Variants in NR3C2 observed in about 807,000 individuals in gnomAD.
The protein encoded by NR3C2 is nuclear receptor subfamily 3 group C member 2, also known as mineralocorticoid receptor.
NR3C2 carries 15 observed loss-of-function variants against 86.4 expected under a neutral mutation model. The ratio of observed to expected loss-of-function variants is 0.17; its 90% CI spans 0.12 to 0.27. The LOEUF (loss-of-function observed/expected upper bound fraction) is 0.27, where lower values mean the gene tolerates loss of function less well. NR3C2 is among the 10% of genes least tolerant of loss of function. The pLI is 1.00. For synonymous variants in NR3C2, 458 were observed against 450.5 expected (o/e 1.02, Z -0.21); for missense variants, 960 against 1,195.6 (o/e 0.80, Z 2.91).
At chr4:148,150,569 T>C (rs1734059130) in intron 6 of NR3C2, among the ~76,000 whole-genome samples, 1 of 152,152 alleles carries the variant, frequency 6.6e-6, no homozygotes. Flanking sequence ...TGGCAATAAA[T>C]AGACTGTGAA....
chr4:148,181,957 G>C (rs546759025), intron 4 of NR3C2, among the ~76,000 whole-genome samples: 8 of 152,308 alleles, frequency 5.3e-5, no homozygotes, highest in Non-Finnish European at 1.0e-4. Context: ...CATTGTAAAG[G>C]AGAGGCCAGT....
At chr4:148,094,726 A>AC (rs1553984266) in intron 8 of NR3C2, among the ~76,000 whole-genome samples, 4,248 of 150,556 alleles carry the variant, frequency 0.028, 207 homozygotes, top group African/African-American at 0.098. Context: ...AAAAAAAAAA[A>AC]CAAAAAAAAC....
intron 2 of NR3C2, among the ~76,000 whole-genome samples, chr4:148,399,226 T>C (rs1326037420): frequency 5.9e-5 from 9 of 152,198 alleles, no homozygotes; most frequent in African/African-American, 2.2e-4. Flanking sequence ...AGAGATTGCA[T>C]TCTGCTTCCA....
At chr4:148,275,396 C>T (rs1740908861) in intron 2 of NR3C2, among the ~76,000 whole-genome samples, 2 of 150,640 alleles carry the variant, frequency 1.3e-5, no homozygotes, top group African/African-American at 2.4e-5. Flanking sequence ...ATGAGGAATT[C>T]AATTTACTAT....
intron 6 of NR3C2, among the ~76,000 whole-genome samples, chr4:148,122,656 A>G (rs886300418): frequency 6.6e-6 from 1 of 152,174 alleles, no homozygotes; most frequent in African/African-American, 2.4e-5. Context: ...GGGACCCCGA[A>G]CGGAGGGACT....
At chr4:148,261,674 G>A (rs910592144) in intron 2 of NR3C2, among the ~76,000 whole-genome samples, 4 of 152,176 alleles carry the variant, frequency 2.6e-5, no homozygotes, top group African/African-American at 9.7e-5. Flanking sequence ...TAGAGTTGCT[G>A]TATGTCACTT....
intron 2 of NR3C2, among the ~76,000 whole-genome samples, chr4:148,426,924 A>G (rs1360876154): frequency 2.0e-5 from 3 of 151,820 alleles, no homozygotes; most frequent in Non-Finnish European, 2.9e-5. Context: ...CTTCTGCTCC[A>G]AACCTATTAT....
chr4:148,105,144 C>T (rs980636257), intron 8 of NR3C2, among the ~76,000 whole-genome samples: 5 of 152,080 alleles, frequency 3.3e-5, no homozygotes, highest in Non-Finnish European at 7.4e-5. Flanking sequence ...AAAGCACCCA[C>T]TAATTATATG....
At chr4:148,111,353 C>G (rs571388707) in intron 8 of NR3C2, among the ~76,000 whole-genome samples, 1 of 152,340 alleles carries the variant, frequency 6.6e-6, no homozygotes, top group African/African-American at 2.4e-5. Context: ...ATGGAGCAAT[C>G]TGAACCTCAT....
intron 2 of NR3C2, among the ~76,000 whole-genome samples, chr4:148,326,631 C>T (rs1396830720): frequency 6.6e-6 from 1 of 151,954 alleles, no homozygotes; most frequent in Non-Finnish European, 1.5e-5. Context: ...CTTTAAAAGT[C>T]CAACTCTTCA....
At chr4:148,443,989 T>G (rs1750478201), upstream of NR3C2, 1 of 985,196 alleles carries the variant, frequency 1.0e-6, no homozygotes, top group African/African-American at 1.7e-5. Flanking sequence ...GTCCCCAGCT[T>G]GGAGCTGCCC....
intron 2 of NR3C2, among the ~76,000 whole-genome samples, chr4:148,336,088 G>A (rs890284194): frequency 6.6e-6 from 1 of 152,158 alleles, no homozygotes; most frequent in Non-Finnish European, 1.5e-5. Flanking sequence ...GTGTCTCAGA[G>A]AGTCAGAGAG....
At chr4:148,310,944 C>T (rs1057359387) in intron 2 of NR3C2, among the ~76,000 whole-genome samples, 3 of 152,132 alleles carry the variant, frequency 2.0e-5, no homozygotes, top group South Asian at 2.1e-4. Context: ...CTGCTTAGCA[C>T]GGTCACCAGA....
chr4:148,210,946 C>T (rs903146093), intron 3 of NR3C2, among the ~76,000 whole-genome samples: 1 of 152,252 alleles, frequency 6.6e-6, no homozygotes, highest in Admixed American at 6.5e-5. Context: ...TATCTCTTTG[C>T]TTCTATGGTC....
At chr4:148,154,415 T>G in intron 5 of NR3C2, 136 bp downstream of exon 5, 1 of 834,146 alleles carries the variant, frequency 1.2e-6, no homozygotes. Flanking sequence ...CTTGATCAAT[T>G]TGTTATCAAT....
At chr4:148,211,994 C>T (rs1225451892) in intron 3 of NR3C2, among the ~76,000 whole-genome samples, 2 of 152,194 alleles carry the variant, frequency 1.3e-5, no homozygotes, top group African/African-American at 4.8e-5. Context: ...ACTACCAAGT[C>T]TAAGGCCCTC....
intron 2 of NR3C2, among the ~76,000 whole-genome samples, chr4:148,429,772 T>C (rs61759964): frequency 6.6e-6 from 1 of 152,202 alleles, no homozygotes; most frequent in Non-Finnish European, 1.5e-5. Context: ...CATTAATAAA[T>C]GTTGGAATGT....
intron 4 of NR3C2, among the ~76,000 whole-genome samples, chr4:148,165,386 C>G (rs1412667339): frequency 6.6e-6 from 1 of 151,934 alleles, no homozygotes; most frequent in Non-Finnish European, 1.5e-5. Flanking sequence ...GAAATAAAAA[C>G]TTTTAATGAG....
chr4:148,424,654 T>C (rs2126618443), intron 2 of NR3C2, among the ~76,000 whole-genome samples: 1 of 151,878 alleles, frequency 6.6e-6, no homozygotes, highest in South Asian at 2.1e-4. Flanking sequence ...TCAAGTGCAT[T>C]ATACTGAGTG....
Sources: allele counts gnomAD v4.1 joint callset (sites outside exome capture counted in the v4.1 genomes callset), GRCh38; gene constraint gnomAD v4.1.1; transcripts MANE v1.5; gene names NCBI Gene and HGNC (gene_info 2026-07-23, HGNC 2026-07-21).